Variants in KMT2E observed in about 807,000 individuals in gnomAD.
KMT2E encodes the protein lysine methyltransferase 2E (inactive), also known as histone reader KMT2E.
KMT2E carries 30 observed loss-of-function variants against 184.6 expected under a neutral mutation model. That is an observed-to-expected ratio of 0.16 (90% CI 0.12 to 0.22). KMT2E has a LOEUF of 0.22. Ranked by LOEUF, KMT2E falls within the 10% of genes least tolerant of loss-of-function variation. KMT2E has a pLI of 1.00. For synonymous variants in KMT2E, 815 were observed against 776.5 expected, an observed-to-expected ratio of 1.05 and a Z score of -0.82; for missense variants, 2,023 against 2,237.4, an observed-to-expected ratio of 0.90 and a Z score of 1.93.
intron 3 of KMT2E, among the ~76,000 whole-genome samples, chr7:105,050,873 G>A (rs917008609): frequency 6.6e-6 from 1 of 151,702 alleles, no homozygotes; most frequent in African/African-American, 2.4e-5. Context: ...GAGATTACAG[G>A]TGGCCACCAA....
chr7:105,024,146 A>G (rs1450798754), intron 1 of KMT2E, among the ~76,000 whole-genome samples: 1 of 152,226 alleles, frequency 6.6e-6, no homozygotes, highest in Admixed American at 6.5e-5. Context: ...TACAGAGTAC[A>G]TATTCTCTAA....
chr7:105,063,720 T>C (rs1238254427), intron 5 of KMT2E, 140 bp downstream of exon 5: 6 of 608,280 alleles, frequency 9.9e-6, no homozygotes, highest in Non-Finnish European at 1.7e-5. Context: ...GATGCAGTCC[T>C]AGAAAAAGCC....
chr7:105,085,579 T>G (rs1797930801), intron 13 of KMT2E, among the ~76,000 whole-genome samples: 1 of 152,104 alleles, frequency 6.6e-6, no homozygotes, highest in Admixed American at 6.5e-5. Context: ...CAAACACCCA[T>G]GTACTTCTCA....
intron 1 of KMT2E, among the ~76,000 whole-genome samples, chr7:105,024,374 A>T (rs1795085765): frequency 6.6e-6 from 1 of 152,192 alleles, no homozygotes; most frequent in Non-Finnish European, 1.5e-5. Context: ...GAAGGTACAA[A>T]AACAAGCCCC....
chr7:105,052,619 C>T (rs368905793), intron 3 of KMT2E, among the ~76,000 whole-genome samples: 2 of 151,978 alleles, frequency 1.3e-5, no homozygotes, highest in East Asian at 1.9e-4. Flanking sequence ...AGTGCAGTGG[C>T]GCAGTTTTGG....
intron 15 of KMT2E, among the ~76,000 whole-genome samples, chr7:105,099,035 T>C (rs545655185): frequency 6.6e-6 from 1 of 152,296 alleles, no homozygotes; most frequent in South Asian, 2.1e-4. Flanking sequence ...ATAGGTACCA[T>C]ATACATGGCT....
intron 26 of KMT2E, chr7:105,111,182 C>T (rs985304411): frequency 4.0e-6 from 1 of 248,152 alleles, no homozygotes; most frequent in African/African-American, 2.3e-5. Flanking sequence ...CTTAACCATC[C>T]AATTATCTAA....
At chr7:105,070,482 A>G (rs1303037622) in intron 6 of KMT2E, among the ~76,000 whole-genome samples, 1 of 151,710 alleles carries the variant, frequency 6.6e-6, no homozygotes, top group African/African-American at 2.4e-5. Context: ...AAAAATACAA[A>G]AATTAGCCGG....
chr7:105,031,767 TTAAA>T (rs1264926413), intron 1 of KMT2E, among the ~76,000 whole-genome samples: 294 of 140,318 alleles, frequency 2.1e-3, no homozygotes, highest in African/African-American at 7.1e-3. Context: ...AATAAATAAA[TTAAA>T]TAAATAAATA....
chr7:105,112,415 T>C lies in KMT2E; in HGVS notation c.4659T>C (p.Ser1553=). 1.9e-6 allele frequency: 3 copies of C among 1,613,096 alleles called. No individual in the cohort carries two copies. The highest frequency in any genetic ancestry group is 2.5e-6 in the Non-Finnish European group (3 of 1,179,714). ...CCCCTCCACCTCCTCCACCTCCTTC[T>C]TCGTCTTACTATCAAAACCAGCAGC... ...APPPPPPPPP[S]SSYYQNQQPS... Residue 1553 remains serine, a synonymous_variant, in exon 27 of 27, where the codon TCT becomes TCC. Coordinates refer to ENST00000311117, the MANE Select transcript of KMT2E (RefSeq NM_182931.3).
At chr7:105,096,774 T>C (rs1337432773) in intron 15 of KMT2E, among the ~76,000 whole-genome samples, 1 of 152,220 alleles carries the variant, frequency 6.6e-6, no homozygotes, top group East Asian at 1.9e-4. Context: ...GAAGCTTCCC[T>C]GTAGTTCAGG....
At chr7:105,087,196 T>C (rs1476386730) in intron 13 of KMT2E, among the ~76,000 whole-genome samples, 1 of 146,944 alleles carries the variant, frequency 6.8e-6, no homozygotes, top group Non-Finnish European at 1.5e-5. Flanking sequence ...ATATACATGC[T>C]ATATATATGC....
At chr7:105,057,422 C>CATCT (rs1241985272) in intron 3 of KMT2E, among the ~76,000 whole-genome samples, 1 of 152,040 alleles carries the variant, frequency 6.6e-6, no homozygotes, top group Non-Finnish European at 1.5e-5. Context: ...AATCTTGTTT[C>CATCT]ATCTGTCTTT....
intron 12 of KMT2E, among the ~76,000 whole-genome samples, chr7:105,079,324 C>T (rs529897805): frequency 5.3e-5 from 8 of 151,158 alleles, no homozygotes; most frequent in South Asian, 4.2e-4. Context: ...TTAGTAGGGA[C>T]GGGGTTTCAC....
chr7:105,030,144 T>G (rs1657605190), intron 1 of KMT2E, among the ~76,000 whole-genome samples: 1 of 152,222 alleles, frequency 6.6e-6, no homozygotes, highest in Non-Finnish European at 1.5e-5. Flanking sequence ...ATGTAAGTAG[T>G]GCATTCTTTA....
intron 5 of KMT2E, among the ~76,000 whole-genome samples, chr7:105,065,708 C>T (rs1797000036): frequency 6.6e-6 from 1 of 152,090 alleles, no homozygotes; most frequent in Non-Finnish European, 1.5e-5. Context: ...CCCCTCTCTC[C>T]CTCTTCCTGA....
chr7:105,068,085 ACTC>A (rs1477473558), intron 6 of KMT2E, among the ~76,000 whole-genome samples: 1 of 151,554 alleles, frequency 6.6e-6, no homozygotes, highest in African/African-American at 2.4e-5. Flanking sequence ...TCCTAAACCT[ACTC>A]CTCCCTCCCT....
At chr7:105,023,584 A>G (rs185469393) in intron 1 of KMT2E, among the ~76,000 whole-genome samples, 20 of 151,396 alleles carry the variant, frequency 1.3e-4, no homozygotes, top group East Asian at 6.0e-4. Context: ...AGCAGGGACT[A>G]CAGGTGCCCA....
In KMT2E at chr7:105,071,572, A is replaced by ATG. The variant is rs71969745; in HGVS notation, c.498-2037_498-2036dup. On this transcript the variant is annotated intron_variant, in intron 6 of 26. Transcript: ENST00000311117. ...TGTGTGTGTATGTATGTATGTATGT[A>ATG]TGTGTGTGTGTATATATATATATAT... Among the ~76,000 whole-genome samples the ATG allele has an allele frequency of 3.6e-3, 246 of 68,718 alleles. 1 individual carries two copies. Among genetic ancestry groups the ATG allele is most frequent in the Middle Eastern group, 0.021 (2 of 96 alleles). 45.1% of individuals were successfully genotyped at this position (68,718 alleles called of 152,430 possible).
Sources: allele counts gnomAD v4.1 joint callset (sites outside exome capture counted in the v4.1 genomes callset), GRCh38; gene constraint gnomAD v4.1.1; transcripts MANE v1.5; gene names NCBI Gene and HGNC (gene_info 2026-07-23, HGNC 2026-07-21).